The following RFX2 variants were observed in gnomAD, a reference collection of about 807,000 sequenced individuals.
RFX2 encodes the protein DNA-binding protein RFX2.
In RFX2, 20 loss-of-function variants were observed where a neutral mutation model predicts 87.8. That is an observed-to-expected ratio of 0.23 (90% CI 0.16 to 0.33). RFX2 has a LOEUF of 0.33. RFX2 is among the 10% of genes least tolerant of loss of function. The probability of loss-of-function intolerance (pLI) is 1.00; values close to 1 mark genes in which losing one functional copy is unlikely to be tolerated. For missense variants in RFX2, 767 were observed against 1,012.3 expected, an observed-to-expected ratio of 0.76 and a Z score of 3.29; for synonymous variants, 397 against 431.3, an observed-to-expected ratio of 0.92 and a Z score of 0.98.
At chr19:6,080,084 G>C (rs2087757023) in intron 1 of RFX2, among the ~76,000 whole-genome samples, 1 of 151,980 alleles carries the variant, frequency 6.6e-6, no homozygotes, top group South Asian at 2.1e-4. Context: ...CTGTTGCCTA[G>C]GCTGGAGAGT....
rs1048975831 is a variant in RFX2, at chr19:6,022,856, G to A, written c.597+3307C>T. Among the ~76,000 whole-genome samples the A allele has an allele frequency of 6.6e-6, 1 of 152,174 alleles. No homozygotes were observed. The highest frequency in any genetic ancestry group is 1.5e-5 in the Non-Finnish European group (1 of 68,020). On this transcript the variant is annotated intron_variant, in intron 6 of 17. Coordinates refer to ENST00000303657, the MANE Select transcript of RFX2 (RefSeq NM_000635.4). The surrounding 1 kb of genome is among the most constrained non-coding windows in gnomAD (Gnocchi z 6.2). ...GAGGCCTGGGAAGCTCCTGTTGACCGGCTGGGTCTGGACAATGCTGTCTCG... is the reference window on the plus strand; with the variant it reads ...GAGGCCTGGGAAGCTCCTGTTGACCAGCTGGGTCTGGACAATGCTGTCTCG...
chr19:6,011,111 G>A lies in RFX2; in HGVS notation c.900-860C>T, dbSNP rs145663572. 0.012 allele frequency among the ~76,000 whole-genome samples: 1,820 copies of A among 149,878 alleles called. 34 individuals carry two copies. Among genetic ancestry groups the A allele is most frequent in the African/African-American group, 0.043 (1,731 of 40,196 alleles). On this transcript the variant is annotated intron_variant, in intron 8 of 17. Transcript: ENST00000303657. This position sits in a 1 kb window ranked among gnomAD's most constrained non-coding sequence, Gnocchi z 4.8. ...AGCCTGGGCGACAAAAGCGAAACTC[G>A]GTCTCAAAAAAAATAAATAAATTAA...
chr19:6,042,224 T>TG (rs2087120698), intron 3 of RFX2, 101 bp from the exon 4 acceptor site: 1 of 1,008,758 alleles, frequency 9.9e-7, no homozygotes, highest in African/African-American at 1.6e-5. Flanking sequence ...TATGAACATT[T>TG]AGTACCAAAT....
At position 6,027,488 on chromosome 19, in the gene RFX2, A is replaced by G. The variant is rs1487640423; in HGVS notation, c.523-1251T>C. ...CATGCCACCCCCATGTCTTGGGGCC[A>G]TTCTGATCTGCAGCTTGGGCAGCCA... On this transcript the variant is annotated intron_variant, in intron 5 of 17. Transcript: ENST00000303657. This position sits in a 1 kb window ranked among gnomAD's most constrained non-coding sequence, Gnocchi z 5.0. Among the ~76,000 whole-genome samples, 1 of 152,144 alleles carries G rather than the reference A, an allele frequency of 6.6e-6. No individual in the cohort carries two copies. The highest frequency in any genetic ancestry group is 1.5e-5 in the Non-Finnish European group (1 of 68,024).
intron 1 of RFX2, among the ~76,000 whole-genome samples, chr19:6,062,935 A>G (rs1372873149): frequency 6.6e-6 from 1 of 152,124 alleles, no homozygotes. Context: ...CCAGTCGCGC[A>G]TATTCAATAT....
chr19:6,012,925 ACAC>A lies in RFX2; in HGVS notation c.899+58_899+60del. 1 of 1,394,076 alleles carries A rather than the reference ACAC, an allele frequency of 7.2e-7. No homozygotes were observed. Among genetic ancestry groups the A allele is most frequent in the South Asian group, 1.8e-5 (1 of 55,496 alleles). 86.4% of individuals were successfully genotyped at this position (1,394,076 alleles called of 1,614,324 possible). A position where few individuals can be genotyped will look rare whatever the true frequency, so the allele number is the denominator to read the frequency against. On this transcript the variant is annotated intron_variant, in intron 8 of 17. Coordinates refer to ENST00000303657, the MANE Select transcript of RFX2 (RefSeq NM_000635.4). The surrounding 1 kb of genome is among the most constrained non-coding windows in gnomAD (Gnocchi z 4.6). ...GATGAGTTTGTTTCGTGTTGGAGAAACACCCACCCCTCCATGCTCCAGGGGAGA... is the reference window on the plus strand; with the variant it reads ...GATGAGTTTGTTTCGTGTTGGAGAAACCACCCCTCCATGCTCCAGGGGAGA...
chr19:6,000,762 T>C (rs756657734), intron 15 of RFX2, among the ~76,000 whole-genome samples: 3 of 152,214 alleles, frequency 2.0e-5, no homozygotes, highest in Non-Finnish European at 4.4e-5. Context: ...AATTACCCAG[T>C]GTTGGGTATG....
rs2086831788 is a variant in RFX2 at position 6,022,635 on chromosome 19, GT to G, written c.597+3527del. On this transcript the variant is annotated intron_variant, in intron 6 of 17. Coordinates refer to ENST00000303657, the MANE Select transcript of RFX2 (RefSeq NM_000635.4). This position sits in a 1 kb window ranked among gnomAD's most constrained non-coding sequence, Gnocchi z 6.2. ...ATGTTTCATCCCCAGCCCCGGCTCC[GT>G]CCCCTTCCCTCTGGAAGAGCTAATC... Among the ~76,000 whole-genome samples the G allele has an allele frequency of 1.3e-5, 2 of 152,196 alleles. No homozygotes were observed. Among genetic ancestry groups the G allele is most frequent in the African/African-American group, 4.8e-5 (2 of 41,444 alleles).
intron 12 of RFX2, among the ~76,000 whole-genome samples, chr19:6,005,395 G>A (rs562542158): frequency 1.2e-4 from 18 of 152,376 alleles, no homozygotes; most frequent in South Asian, 2.1e-4. Context: ...GATGGACTGC[G>A]GGGCATGGCC....
rs1450863868 is a variant in RFX2, at chr19:6,013,748, G to GTT, written c.780-644_780-643insAA. Among the ~76,000 whole-genome samples the GTT allele has an allele frequency of 6.6e-6, 1 of 152,178 alleles. No individual in the cohort carries two copies. Among genetic ancestry groups the GTT allele is most frequent in the Non-Finnish European group, 1.5e-5 (1 of 68,020 alleles). On this transcript the variant is annotated intron_variant, in intron 7 of 17. Coordinates refer to ENST00000303657, the MANE Select transcript of RFX2 (RefSeq NM_000635.4). This position sits in a 1 kb window ranked among gnomAD's most constrained non-coding sequence, Gnocchi z 4.1. ...ACGTGTGCCACCACACTCGGATCTTGACCTTTCACTTTGGCCTCTCTGGTT... is the reference window on the plus strand; with the variant it reads ...ACGTGTGCCACCACACTCGGATCTTGTTACCTTTCACTTTGGCCTCTCTGGTT...
chr19:6,073,017 T>C (rs2087631570), intron 1 of RFX2: 5 of 524,816 alleles, frequency 9.5e-6, no homozygotes, highest in African/African-American at 1.9e-5. Flanking sequence ...TCTCACTCTG[T>C]TGTGCAGGCT....
At chr19:6,058,875 GT>G (rs1435991191) in intron 1 of RFX2, among the ~76,000 whole-genome samples, 1 of 152,136 alleles carries the variant, frequency 6.6e-6, no homozygotes, top group African/African-American at 2.4e-5. Flanking sequence ...TAAGTCGCAG[GT>G]TCTAATCTTC....
intron 1 of RFX2, among the ~76,000 whole-genome samples, chr19:6,075,542 CGG>C (rs1231677297): frequency 3.3e-5 from 5 of 152,268 alleles, no homozygotes; most frequent in Admixed American, 6.5e-5. Context: ...GGTTTGCTGA[CGG>C]GTTTGACATA....
At chr19:6,098,712 T>C (rs2088065108) in intron 1 of RFX2, among the ~76,000 whole-genome samples, 1 of 152,022 alleles carries the variant, frequency 6.6e-6, no homozygotes, top group South Asian at 2.1e-4. Context: ...AGGATTCTGC[T>C]TTGGCAGATC....
At chr19:6,073,040 TGCG>T in intron 1 of RFX2, 1 of 487,028 alleles carries the variant, frequency 2.1e-6, no homozygotes, top group Non-Finnish European at 3.7e-6. Context: ...AGTGCAGTGG[TGCG>T]ATCTCAGCTC....
In RFX2 at chr19:6,007,588, G is replaced by A; in HGVS notation, c.1247+102C>T. The A allele has an allele frequency of 1.4e-6, 1 of 705,738 alleles. No individual in the cohort carries two copies. Among genetic ancestry groups the A allele is most frequent in the Non-Finnish European group, 2.5e-6 (1 of 400,646 alleles). 43.7% of individuals were successfully genotyped at this position (705,738 alleles called of 1,614,324 possible). ...ATGGAGGCAGAGGGGTCTGAACCCT[G>A]ATTCTTGGAGAGCTGAGGCTTTCGT... is the stretch of plus-strand genomic sequence containing the variant. On this transcript the variant is annotated intron_variant, in intron 11 of 17. Coordinates refer to ENST00000303657, the MANE Select transcript of RFX2 (RefSeq NM_000635.4). This position sits in a 1 kb window ranked among gnomAD's most constrained non-coding sequence, Gnocchi z 8.2.
chr19:6,098,202 A>G (rs571494435), intron 1 of RFX2, among the ~76,000 whole-genome samples: 1 of 152,308 alleles, frequency 6.6e-6, no homozygotes, highest in East Asian at 1.9e-4. Flanking sequence ...TTTGGAAACA[A>G]TAAAAGAACT....
chr19:6,004,313 C>G lies in RFX2; in HGVS notation c.1403-15G>C. 1 of 1,601,260 alleles carries G rather than the reference C, an allele frequency of 6.2e-7. No homozygotes were observed. The highest frequency in any genetic ancestry group is 1.1e-5 in the South Asian group (1 of 90,788). On this transcript the variant is annotated splice_polypyrimidine_tract_variant and intron_variant, in intron 12 of 17. Transcript: ENST00000303657. The surrounding 1 kb of genome is among the most constrained non-coding windows in gnomAD (Gnocchi z 4.8). ...TGTCAAGGTACCTGGGGGATACAGACCATGATATTACCAGGGAGAAAGGCA... is the reference window on the plus strand; with the variant it reads ...TGTCAAGGTACCTGGGGGATACAGAGCATGATATTACCAGGGAGAAAGGCA...
chr19:6,057,651 T>A (rs2087364745), intron 1 of RFX2, among the ~76,000 whole-genome samples: 1 of 152,170 alleles, frequency 6.6e-6, no homozygotes, highest in Non-Finnish European at 1.5e-5. Flanking sequence ...GGCCATCAGC[T>A]CCTCCTCTCC....
Sources: allele counts gnomAD v4.1 joint callset (sites outside exome capture counted in the v4.1 genomes callset), GRCh38; gene constraint gnomAD v4.1.1; non-coding constraint Gnocchi (gnomAD v3.1); transcripts MANE v1.5; gene names NCBI Gene and HGNC (gene_info 2026-07-23, HGNC 2026-07-21).